The following HMBOX1 variants were observed in gnomAD, a reference collection of about 807,000 sequenced individuals.
The protein encoded by HMBOX1 is homeobox-containing protein 1.
Under a neutral mutation model 54.5 loss-of-function variants are expected in HMBOX1, and 14 were observed. The ratio of observed to expected loss-of-function variants is 0.26; its 90% CI spans 0.17 to 0.40. The LOEUF (loss-of-function observed/expected upper bound fraction) is 0.40, where lower values mean the gene tolerates loss of function less well. HMBOX1 is among the 10% of genes least tolerant of loss of function. The probability of loss-of-function intolerance (pLI) is 1.00; values close to 1 mark genes in which losing one functional copy is unlikely to be tolerated. For missense variants in HMBOX1, 332 were observed against 514.4 expected (o/e 0.65, Z 3.43); for synonymous variants, 160 against 181.0 (o/e 0.88, Z 0.93).
intron 1 of HMBOX1, among the ~76,000 whole-genome samples, chr8:28,957,470 C>A (rs183329702): frequency 6.6e-6 from 1 of 152,250 alleles, no homozygotes; most frequent in East Asian, 1.9e-4. Context: ...ATGCCCACTA[C>A]CTGAGTGATG....
intron 4 of HMBOX1, among the ~76,000 whole-genome samples, chr8:29,004,389 G>A (rs2132768152): frequency 6.6e-6 from 1 of 152,332 alleles, no homozygotes; most frequent in East Asian, 1.9e-4. Flanking sequence ...CAAGGAGGAA[G>A]ATGATGGGAG....
At chr8:29,009,247 G>T in intron 5 of HMBOX1, 65 bp downstream of exon 5, 1 of 1,310,634 alleles carries the variant, frequency 7.6e-7, no homozygotes, top group Non-Finnish European at 1.1e-6. Context: ...TTACTTTAAT[G>T]ACTCCATGTG....
At chr8:28,937,873 A>G (rs898968585) in intron 1 of HMBOX1, among the ~76,000 whole-genome samples, 4 of 150,344 alleles carry the variant, frequency 2.7e-5, no homozygotes, top group African/African-American at 9.7e-5. Flanking sequence ...CCCTCTGTAT[A>G]TTATGATACT....
At chr8:28,997,024 G>C (rs1831965215) in intron 4 of HMBOX1, among the ~76,000 whole-genome samples, 1 of 151,646 alleles carries the variant, frequency 6.6e-6, no homozygotes, top group Non-Finnish European at 1.5e-5. Context: ...TATTCCTTTG[G>C]GTTTTTTATA....
intron 5 of HMBOX1, chr8:29,009,813 T>C: frequency 1.6e-6 from 2 of 1,237,792 alleles, no homozygotes; most frequent in South Asian, 1.4e-5. Context: ...CTATTCAAGA[T>C]ACTAACAGGT....
intron 5 of HMBOX1, chr8:29,010,015 G>A (rs1834022242): frequency 3.0e-6 from 3 of 984,512 alleles, no homozygotes; most frequent in South Asian, 9.4e-5. Flanking sequence ...TTGGCTCTGA[G>A]GTAGAAATAA....
intron 2 of HMBOX1, among the ~76,000 whole-genome samples, chr8:28,969,142 C>T (rs1442146667): frequency 1.3e-5 from 2 of 152,142 alleles, no homozygotes; most frequent in African/African-American, 4.8e-5. Flanking sequence ...CACTGCACTC[C>T]AGCCTGGTTG....
intron 5 of HMBOX1, among the ~76,000 whole-genome samples, chr8:29,018,334 T>A (rs967183956): frequency 6.6e-6 from 1 of 152,156 alleles, no homozygotes; most frequent in Non-Finnish European, 1.5e-5. Context: ...AATTTTATTA[T>A]GTTCAGGAGG....
chr8:29,040,156 A>G (rs1804609472), intron 6 of HMBOX1, among the ~76,000 whole-genome samples: 1 of 152,170 alleles, frequency 6.6e-6, no homozygotes, highest in African/African-American at 2.4e-5. Context: ...ATGTTGTTTT[A>G]TACTTAATTA....
intron 1 of HMBOX1, among the ~76,000 whole-genome samples, chr8:28,941,672 T>G (rs1402418997): frequency 6.6e-6 from 1 of 152,226 alleles, no homozygotes; most frequent in Non-Finnish European, 1.5e-5. Flanking sequence ...GCCATCCTCA[T>G]GTTTTTTCTG....
chr8:28,953,958 A>C (rs996577827), intron 1 of HMBOX1, among the ~76,000 whole-genome samples: 1 of 152,214 alleles, frequency 6.6e-6, no homozygotes, highest in African/African-American at 2.4e-5. Context: ...GATTCACAGG[A>C]AACTGGTATT....
chr8:28,957,691 C>T (rs1824728044), intron 1 of HMBOX1, among the ~76,000 whole-genome samples: 3 of 152,072 alleles, frequency 2.0e-5, no homozygotes, highest in South Asian at 4.1e-4. Flanking sequence ...GGTACGATCT[C>T]GGCTCACTGT....
intron 1 of HMBOX1, among the ~76,000 whole-genome samples, chr8:28,942,760 A>G (rs1401923180): frequency 2.0e-5 from 3 of 152,070 alleles, no homozygotes; most frequent in Admixed American, 1.3e-4. Context: ...GTAGTCTCCT[A>G]ATGGTGGCAT....
At chr8:28,968,587 T>C (rs1320062307) in intron 2 of HMBOX1, among the ~76,000 whole-genome samples, 5 of 152,160 alleles carry the variant, frequency 3.3e-5, no homozygotes, top group Non-Finnish European at 7.4e-5. Flanking sequence ...TTGGATGAGA[T>C]TATGTTATGT....
At chr8:28,901,055 T>C (rs761357371) in intron 1 of HMBOX1, among the ~76,000 whole-genome samples, 1 of 152,196 alleles carries the variant, frequency 6.6e-6, no homozygotes, top group Non-Finnish European at 1.5e-5. Flanking sequence ...AATAATACTA[T>C]TTATTCATAT....
intron 4 of HMBOX1, among the ~76,000 whole-genome samples, chr8:28,990,452 C>T (rs1418968200): frequency 2.6e-5 from 4 of 151,990 alleles, no homozygotes; most frequent in Non-Finnish European, 4.4e-5. Flanking sequence ...CCTGGTTTTT[C>T]TTGCTTAGTC....
At chr8:28,971,132 C>T (rs1827345898) in intron 3 of HMBOX1, among the ~76,000 whole-genome samples, 1 of 147,758 alleles carries the variant, frequency 6.8e-6, no homozygotes, top group Non-Finnish European at 1.5e-5. Context: ...GCTCTGTATG[C>T]CCAGGCTGGA....
intron 3 of HMBOX1, among the ~76,000 whole-genome samples, chr8:28,978,262 C>G (rs1041086356): frequency 5.3e-5 from 8 of 152,146 alleles, no homozygotes; most frequent in African/African-American, 1.9e-4. Flanking sequence ...AATCCCTCAT[C>G]CAAGTTAAAT....
chr8:29,041,690 G>A lies in HMBOX1; in HGVS notation c.852-3671G>A, dbSNP rs564053021. Among the ~76,000 whole-genome samples the A allele has an allele frequency of 4.7e-4, 72 of 152,220 alleles. No individual in the cohort carries two copies. The South Asian group carries it at 0.015, about 32-fold the overall frequency. On this transcript the variant is annotated intron_variant, in intron 6 of 9. Transcript: ENST00000287701. Reference sequence around the variant, plus strand: ...GGATAAGATTTGCACTGCGGGGTGGGGGAGGCAAAAAGCTGATATACTTGC... The same window carrying A: ...GGATAAGATTTGCACTGCGGGGTGGAGGAGGCAAAAAGCTGATATACTTGC...
Sources: allele counts gnomAD v4.1 joint callset (sites outside exome capture counted in the v4.1 genomes callset), GRCh38; gene constraint gnomAD v4.1.1; transcripts MANE v1.5; gene names NCBI Gene and HGNC (gene_info 2026-07-23, HGNC 2026-07-21).